Variants in EGFR observed in about 807,000 individuals in gnomAD.
The protein encoded by EGFR is epidermal growth factor receptor, also known as avian erythroblastic leukemia viral (v-erb-b) oncogene homolog.
EGFR carries 58 observed loss-of-function variants against 143.0 expected under a neutral mutation model. The observed-to-expected ratio is 0.41, with a 90% CI of 0.33 to 0.50. EGFR has a LOEUF of 0.50. EGFR is among the 20% of genes least tolerant of loss of function. The pLI, the probability that EGFR is intolerant of heterozygous loss-of-function variation, is 0.39. For missense variants in EGFR, 1,307 were observed against 1,579.0 expected, an observed-to-expected ratio of 0.83 and a Z score of 2.92; for synonymous variants, 613 against 594.4, an observed-to-expected ratio of 1.03 and a Z score of -0.45.
chr7:55,211,143 G>A lies in EGFR; in HGVS notation c.*5526G>A, dbSNP rs757489696. On this transcript the variant is annotated 3_prime_UTR_variant, in exon 28 of 28. Coordinates refer to ENST00000275493, the MANE Select transcript of EGFR (RefSeq NM_005228.5). ...TGTCCTATCTGAATTCCCAGCAGAA[G>A]CACTAAGAAGCTCCACCCTATCACC... is the stretch of plus-strand genomic sequence containing the variant. The A allele has an allele frequency of 1.1e-4, 16 of 152,162 alleles. No individual in the cohort carries two copies. Among genetic ancestry groups the A allele is most frequent in the Non-Finnish European group, 2.1e-4 (14 of 68,036 alleles). 9.4% of individuals were successfully genotyped at this position (152,162 alleles called of 1,614,324 possible). A position where few individuals can be genotyped will look rare whatever the true frequency, so the allele number is the denominator to read the frequency against.
At chr7:55,038,277 A>G (rs555101200) in intron 1 of EGFR, among the ~76,000 whole-genome samples, 5 of 152,124 alleles carry the variant, frequency 3.3e-5, no homozygotes, top group Admixed American at 6.5e-5. Context: ...TGCTAACTTG[A>G]TTCTGAGGAC....
chr7:55,062,125 C>T (rs978695613), intron 1 of EGFR, among the ~76,000 whole-genome samples: 7 of 152,188 alleles, frequency 4.6e-5, no homozygotes, highest in Non-Finnish European at 8.8e-5. Flanking sequence ...TCTTTAGAAA[C>T]AAGAGATGTC....
chr7:55,063,080 G>A (rs1789285507), intron 1 of EGFR, among the ~76,000 whole-genome samples: 1 of 152,172 alleles, frequency 6.6e-6, no homozygotes, highest in African/African-American at 2.4e-5. Flanking sequence ...AAGTCTGCCT[G>A]CTCCAGGACC....
At chr7:55,062,557 G>T (rs1275722237) in intron 1 of EGFR, among the ~76,000 whole-genome samples, 1 of 152,126 alleles carries the variant, frequency 6.6e-6, no homozygotes, top group Non-Finnish European at 1.5e-5. Context: ...GGAAAAATGT[G>T]CATGGGTTTC....
intron 1 of EGFR, among the ~76,000 whole-genome samples, chr7:55,110,724 A>G (rs1030300268): frequency 1.3e-5 from 2 of 152,094 alleles, no homozygotes; most frequent in Non-Finnish European, 2.9e-5. Context: ...ATTGCTTTTC[A>G]TGCTTTATTT....
intron 1 of EGFR, among the ~76,000 whole-genome samples, chr7:55,113,577 C>T (rs1792650705): frequency 6.6e-6 from 1 of 152,134 alleles, no homozygotes; most frequent in Non-Finnish European, 1.5e-5. Flanking sequence ...TGTCAATGTA[C>T]CTCCTTCAAT....
At chr7:55,169,685 C>T (rs1052979176) in intron 15 of EGFR, among the ~76,000 whole-genome samples, 3 of 152,152 alleles carry the variant, frequency 2.0e-5, no homozygotes, top group African/African-American at 7.2e-5. Context: ...CCGAGGGCCT[C>T]ATCAGCGTCA....
At chr7:55,054,302 G>A (rs912002798) in intron 1 of EGFR, among the ~76,000 whole-genome samples, 7 of 152,206 alleles carry the variant, frequency 4.6e-5, no homozygotes, top group African/African-American at 1.7e-4. Context: ...AGTTTCTCAG[G>A]ATTCCACCTC....
intron 1 of EGFR, among the ~76,000 whole-genome samples, chr7:55,106,023 T>C (rs1792103804): frequency 6.6e-6 from 1 of 152,090 alleles, no homozygotes; most frequent in African/African-American, 2.4e-5. Context: ...ACAACAAAAT[T>C]TAAGAATTTG....
At chr7:55,029,502 A>C (rs1299819305) in intron 1 of EGFR, among the ~76,000 whole-genome samples, 1 of 152,080 alleles carries the variant, frequency 6.6e-6, no homozygotes, top group African/African-American at 2.4e-5. Context: ...GAGAAAGAAA[A>C]ATTTTTATAA....
At chr7:55,063,645 A>G (rs971848234) in intron 1 of EGFR, among the ~76,000 whole-genome samples, 1 of 152,348 alleles carries the variant, frequency 6.6e-6, no homozygotes, top group East Asian at 1.9e-4. Flanking sequence ...AACACACAGC[A>G]TCAGCCAGAC....
At chr7:55,067,881 C>T (rs982366703) in intron 1 of EGFR, among the ~76,000 whole-genome samples, 3 of 149,994 alleles carry the variant, frequency 2.0e-5, no homozygotes, top group Admixed American at 6.6e-5. Flanking sequence ...TCTGTGTATA[C>T]GTGTGTGTAC....
intron 1 of EGFR, 151 bp from the exon 2 acceptor site, chr7:55,142,135 C>T (rs1030678814): frequency 5.7e-5 from 49 of 861,066 alleles, no homozygotes; most frequent in African/African-American, 2.9e-4. Flanking sequence ...GTAAGCTTTG[C>T]GCCCAGATGA....
intron 19 of EGFR, 73 bp downstream of exon 19, chr7:55,174,893 C>A (rs974517304): frequency 7.7e-6 from 9 of 1,174,586 alleles, no homozygotes; most frequent in Non-Finnish European, 1.2e-5. Context: ...TGTCTGGCAG[C>A]TGCTCTGCTC....
At chr7:55,178,929 C>A (rs1187795245) in intron 19 of EGFR, among the ~76,000 whole-genome samples, 1 of 152,224 alleles carries the variant, frequency 6.6e-6, no homozygotes, top group African/African-American at 2.4e-5. Flanking sequence ...TACAGTTCAA[C>A]CCTGACAGTT....
At chr7:55,143,612 C>T in intron 3 of EGFR, 124 bp downstream of exon 3, 1 of 1,043,842 alleles carries the variant, frequency 9.6e-7, no homozygotes, top group Non-Finnish European at 1.4e-6. Flanking sequence ...AGTACACGTG[C>T]ACTGAGTGCC....
chr7:55,057,122 G>A (rs1788873104), intron 1 of EGFR, among the ~76,000 whole-genome samples: 1 of 152,208 alleles, frequency 6.6e-6, no homozygotes, highest in African/African-American at 2.4e-5. Flanking sequence ...TGACCCTCCT[G>A]GCTCCAGAGT....
chr7:55,060,842 A>G (rs866090377), intron 1 of EGFR, among the ~76,000 whole-genome samples: 13 of 152,216 alleles, frequency 8.5e-5, no homozygotes, highest in African/African-American at 2.9e-4. Context: ...CCTGTTTCCA[A>G]CTGTGTAACC....
At chr7:55,050,325 T>A (rs753074519) in intron 1 of EGFR, among the ~76,000 whole-genome samples, 2 of 152,214 alleles carry the variant, frequency 1.3e-5, no homozygotes, top group Non-Finnish European at 2.9e-5. Context: ...GCACCTCTTA[T>A]AAGTGGATCA....
Sources: gnomAD v4.1 joint callset for allele counts (sites outside exome capture counted in the v4.1 genomes callset) on GRCh38, gnomAD v4.1.1 for gene constraint, MANE v1.5 for transcripts, NCBI Gene and HGNC (gene_info 2026-07-23, HGNC 2026-07-21) for gene names.